The following MCOLN2 variants were observed in gnomAD, a reference collection of about 807,000 sequenced individuals.
The protein encoded by MCOLN2 is mucolipin TRP cation channel 2.
Under a neutral mutation model 67.5 loss-of-function variants are expected in MCOLN2, and 57 were observed. The observed-to-expected ratio is 0.84, with a 90% confidence interval of 0.68 to 1.05. MCOLN2 has a LOEUF of 1.05. Among genes scored for constraint, MCOLN2 ranks in the 50% least tolerant of loss-of-function variants. The probability of loss-of-function intolerance (pLI) is 0.00; values close to 1 mark genes in which losing one functional copy is unlikely to be tolerated. For missense variants in MCOLN2, 620 were observed against 678.8 expected, an observed-to-expected ratio of 0.91 and a Z score of 0.96; for synonymous variants, 246 against 233.3, an observed-to-expected ratio of 1.05 and a Z score of -0.50.
At position 84,929,613 on chromosome 1, in the gene MCOLN2, CT is replaced by C. The variant is rs1481353733; in HGVS notation, c.1608del (p.Glu537LysfsTer26). 6.2e-7 allele frequency: 1 copy of C among 1,613,894 alleles called. No homozygotes were observed. The highest frequency in any genetic ancestry group is 8.5e-7 in the Non-Finnish European group (1 of 1,179,874). On this transcript the variant is annotated frameshift_variant, in exon 13 of 14. Transcript: ENST00000370608. LOFTEE classifies it high-confidence loss of function. ...LQEFLKECSS[K>X]EEYQKESSAF... ...GCTGAGGACTCTTTCTGATACTCTT[CT>C]TTGCTACTGCATTCCTTCAGGAATT... is the stretch of plus-strand genomic sequence containing the variant.
chr1:84,958,828 T>C, intron 2 of MCOLN2, 126 bp from the exon 3 acceptor site: 1 of 627,886 alleles, frequency 1.6e-6, no homozygotes, highest in Non-Finnish European at 2.6e-6. Context: ...TTTTGGTTTA[T>C]ACTAATAGCA....
intron 1 of MCOLN2, among the ~76,000 whole-genome samples, chr1:84,974,021 C>T (rs138103440): frequency 2.6e-5 from 4 of 152,276 alleles, no homozygotes; most frequent in Admixed American, 2.0e-4. Flanking sequence ...AGGCAGTAAA[C>T]GGTTCTGCCC....
chr1:84,958,730 A>G (rs759285301), intron 2 of MCOLN2, 28 bp from the exon 3 acceptor site: 2 of 1,510,218 alleles, frequency 1.3e-6, no homozygotes, highest in Non-Finnish European at 1.8e-6. Flanking sequence ...ATAGAAACAC[A>G]TGAATTACAC....
At chr1:84,985,519 C>T (rs552474618) in intron 1 of MCOLN2, among the ~76,000 whole-genome samples, 1 of 152,288 alleles carries the variant, frequency 6.6e-6, no homozygotes, top group South Asian at 2.1e-4. Flanking sequence ...ACTTCCTTAT[C>T]CAACCCTTTT....
chr1:84,959,584 C>T (rs911386961), intron 2 of MCOLN2, among the ~76,000 whole-genome samples: 8 of 152,142 alleles, frequency 5.3e-5, no homozygotes, highest in East Asian at 1.9e-4. Flanking sequence ...CACTCTCTCA[C>T]GTGCGTCCTC....
intron 2 of MCOLN2, among the ~76,000 whole-genome samples, chr1:84,962,108 T>C (rs1649117261): frequency 6.6e-6 from 1 of 152,178 alleles, no homozygotes; most frequent in Admixed American, 6.6e-5. Context: ...TCTGCTCCAA[T>C]TAGATATCAC....
At chr1:84,978,007 A>C (rs1189602701) in intron 1 of MCOLN2, among the ~76,000 whole-genome samples, 1 of 152,364 alleles carries the variant, frequency 6.6e-6, no homozygotes, top group East Asian at 1.9e-4. Flanking sequence ...ACAAGTCTTA[A>C]AACATTAACA....
chr1:84,988,772 C>T (rs994332047), intron 1 of MCOLN2, among the ~76,000 whole-genome samples: 2 of 152,142 alleles, frequency 1.3e-5, no homozygotes, highest in Admixed American at 1.3e-4. Context: ...AGAGTAAAAT[C>T]CAAACCTCCT....
chr1:84,937,568 C>A (rs1647497398), intron 11 of MCOLN2, 187 bp downstream of exon 11: 1 of 1,361,734 alleles, frequency 7.3e-7, no homozygotes, highest in Non-Finnish European at 9.5e-7. Flanking sequence ...GTTCTTGTTT[C>A]AATATCCTGT....
intron 3 of MCOLN2, among the ~76,000 whole-genome samples, chr1:84,957,168 C>T (rs1438316467): frequency 6.6e-6 from 1 of 152,056 alleles, no homozygotes; most frequent in Non-Finnish European, 1.5e-5. Context: ...GAAAGAAAAT[C>T]ACAAACATCC....
At chr1:84,989,529 G>T (rs1034519932) in intron 1 of MCOLN2, among the ~76,000 whole-genome samples, 1 of 151,982 alleles carries the variant, frequency 6.6e-6, no homozygotes, top group Non-Finnish European at 1.5e-5. Flanking sequence ...TTGGGAAAGA[G>T]AAAGAGTATT....
At chr1:84,952,113 G>A (rs923956421) in intron 6 of MCOLN2, 130 bp downstream of exon 6, 1 of 625,518 alleles carries the variant, frequency 1.6e-6, no homozygotes, top group Non-Finnish European at 2.8e-6. Context: ...GTATCATATT[G>A]TATCACTAAA....
At chr1:84,940,189 G>C (rs1388638784) in intron 8 of MCOLN2, among the ~76,000 whole-genome samples, 7 of 152,132 alleles carry the variant, frequency 4.6e-5, no homozygotes, top group Non-Finnish European at 1.0e-4. Flanking sequence ...CAAGGGGATT[G>C]GGGAGCATGT....
chr1:84,935,438 C>T (rs1159645817), intron 11 of MCOLN2, among the ~76,000 whole-genome samples: 2 of 152,146 alleles, frequency 1.3e-5, no homozygotes, highest in African/African-American at 4.8e-5. Context: ...AAGTCTAGAG[C>T]TGCAATGTCC....
rs749639478 is a variant in MCOLN2 at position 84,931,447 on chromosome 1, T to C, written c.1457A>G (p.Tyr486Cys). ...AAAAAGGCTGATGAAGGAATATAAA[T>C]ACAGACGACTGAACAGCCACACCAA... is the stretch of plus-strand genomic sequence containing the variant. ...SILVWLFSRL[Y>C]LYSFISLFIY... is the part of the protein sequence containing the mutation. Residue 486 changes from tyrosine (Y) to cysteine (C), a missense_variant, in exon 12 of 14, where the codon TAT becomes TGT. By Grantham distance (194) the Tyr-to-Cys change is radical (BLOSUM62 -2). Transcript: ENST00000370608. 6.2e-7 allele frequency: 1 copy of C among 1,611,274 alleles called. No individual in the cohort carries two copies. Among genetic ancestry groups the C allele is most frequent in the Non-Finnish European group, 8.5e-7 (1 of 1,177,454 alleles).
intron 4 of MCOLN2, among the ~76,000 whole-genome samples, chr1:84,952,764 C>G (rs1648566936): frequency 6.6e-6 from 1 of 152,200 alleles, no homozygotes; most frequent in African/African-American, 2.4e-5. Flanking sequence ...ATGAGATAAA[C>G]AGACATGTAC....
At chr1:84,988,647 C>T (rs1212495573) in intron 1 of MCOLN2, among the ~76,000 whole-genome samples, 2 of 152,124 alleles carry the variant, frequency 1.3e-5, no homozygotes, top group Admixed American at 1.3e-4. Flanking sequence ...TCATCTCTTA[C>T]CCAACTGCAA....
chr1:84,928,222 T>C (rs1411501037), intron 13 of MCOLN2, among the ~76,000 whole-genome samples: 1 of 152,232 alleles, frequency 6.6e-6, no homozygotes, highest in East Asian at 1.9e-4. Context: ...TCAGTTGATC[T>C]CCTTGGTGGG....
chr1:84,942,315 T>C, intron 7 of MCOLN2, among the ~76,000 whole-genome samples: 1 of 151,998 alleles, frequency 6.6e-6, no homozygotes, highest in East Asian at 1.9e-4. Context: ...ACAGAGACAG[T>C]GTAGAATGGG....
Sources: gnomAD v4.1 joint callset for allele counts (sites outside exome capture counted in the v4.1 genomes callset) on GRCh38, gnomAD v4.1.1 for gene constraint, MANE v1.5 for transcripts, NCBI Gene and HGNC (gene_info 2026-07-23, HGNC 2026-07-21) for gene names.